The following GPC5 variants were observed in gnomAD, a reference collection of about 807,000 sequenced individuals.
GPC5 encodes glypican-5.
In GPC5, 47 loss-of-function variants were observed where a neutral mutation model predicts 53.9. The observed-to-expected ratio is 0.87, with a 90% CI of 0.69 to 1.11. The LOEUF (loss-of-function observed/expected upper bound fraction) is 1.11. GPC5 is among the 50% of genes most tolerant of loss of function. GPC5 has a pLI of 0.00. For synonymous variants in GPC5, 286 were observed against 263.3 expected, an observed-to-expected ratio of 1.09 and a Z score of -0.84; for missense variants, 748 against 713.1, an observed-to-expected ratio of 1.05 and a Z score of -0.56.
intron 7 of GPC5, among the ~76,000 whole-genome samples, chr13:92,590,634 C>A (rs925416591): frequency 1.3e-5 from 2 of 152,130 alleles, no homozygotes; most frequent in South Asian, 2.1e-4. Flanking sequence ...TATCTGGAAC[C>A]GAGGACTCCT....
At chr13:92,158,013 A>G (rs888371490) in intron 7 of GPC5, among the ~76,000 whole-genome samples, 1 of 152,234 alleles carries the variant, frequency 6.6e-6, no homozygotes, top group Non-Finnish European at 1.5e-5. Flanking sequence ...ATACATAAAT[A>G]GTAGAGAATG....
Position 92,648,129 on chromosome 13 carries a change from TCTTCA to T in GPC5, c.1562-218147_1562-218143del, listed in dbSNP as rs1349291540. 4.6e-5 allele frequency among the ~76,000 whole-genome samples: 7 copies of T among 152,206 alleles called. No homozygotes were observed. The East Asian group carries it at 7.7e-4, about 17-fold the overall frequency. Reference sequence around the variant, plus strand: ...TATATACATATGTGATTATATATAATCTTCACTTCATTATTTTTGGTAAGAACATA... The same window carrying T: ...TATATACATATGTGATTATATATAATCTTCATTATTTTTGGTAAGAACATA... On this transcript the variant is annotated intron_variant, in intron 7 of 7. Transcript: ENST00000377067.
At chr13:91,493,245 T>A (rs915026479) in intron 2 of GPC5, among the ~76,000 whole-genome samples, 2 of 152,208 alleles carry the variant, frequency 1.3e-5, no homozygotes, top group Admixed American at 1.3e-4. Flanking sequence ...ATATATTTGT[T>A]GGGTACATGA....
At chr13:92,263,749 A>C (rs927944855) in intron 7 of GPC5, among the ~76,000 whole-genome samples, 1 of 152,196 alleles carries the variant, frequency 6.6e-6, no homozygotes, top group African/African-American at 2.4e-5. Context: ...TTTGGCTTAA[A>C]GTCATCTGAA....
intron 7 of GPC5, among the ~76,000 whole-genome samples, chr13:92,706,551 A>AT (rs1325939879): frequency 2.0e-5 from 3 of 151,908 alleles, no homozygotes; most frequent in Non-Finnish European, 4.4e-5. Context: ...TCCAAATATG[A>AT]TTTTTCGTCT....
chr13:91,985,128 A>C (rs917167696), intron 6 of GPC5, among the ~76,000 whole-genome samples: 5 of 152,094 alleles, frequency 3.3e-5, no homozygotes, highest in Non-Finnish European at 7.4e-5. Flanking sequence ...TTATATTTTG[A>C]AGATGTATTA....
chr13:92,598,624 A>T (rs148322689), intron 7 of GPC5, among the ~76,000 whole-genome samples: 187 of 152,340 alleles, frequency 1.2e-3, no homozygotes, highest in African/African-American at 4.4e-3. Flanking sequence ...CTCATGTGGA[A>T]CGAGTTTAAA....
At chr13:92,860,992 A>G (rs192756021) in intron 7 of GPC5, among the ~76,000 whole-genome samples, 24 of 152,166 alleles carry the variant, frequency 1.6e-4, no homozygotes, top group Admixed American at 9.2e-4. Context: ...GAGAGTCTCT[A>G]CTCTCAAGGA....
At chr13:91,795,102 A>C (rs2038025972) in intron 5 of GPC5, among the ~76,000 whole-genome samples, 1 of 152,200 alleles carries the variant, frequency 6.6e-6, no homozygotes, top group Admixed American at 6.5e-5. Context: ...AATAAGAATA[A>C]ATTTATAATA....
chr13:92,795,451 T>A (rs1876638577), intron 7 of GPC5, among the ~76,000 whole-genome samples: 1 of 152,058 alleles, frequency 6.6e-6, no homozygotes, highest in South Asian at 2.1e-4. Flanking sequence ...ACCTAGGCAA[T>A]ACCATTCAGG....
At chr13:92,762,183 T>TA (rs764372073) in intron 7 of GPC5, among the ~76,000 whole-genome samples, 47 of 151,240 alleles carry the variant, frequency 3.1e-4, no homozygotes, top group African/African-American at 6.5e-4. Context: ...GTATGAAGGC[T>TA]AAAAAAAAAT....
At chr13:92,165,071 G>A (rs913519444) in intron 7 of GPC5, among the ~76,000 whole-genome samples, 3 of 150,828 alleles carry the variant, frequency 2.0e-5, no homozygotes, top group African/African-American at 4.8e-5. Flanking sequence ...GATCCTCTAG[G>A]CCTGTGATGG....
chr13:92,327,000 T>A (rs1184033314), intron 7 of GPC5, among the ~76,000 whole-genome samples: 1 of 152,110 alleles, frequency 6.6e-6, no homozygotes, highest in Non-Finnish European at 1.5e-5. Context: ...CCTGTCTCCC[T>A]ATCTGCCTGA....
At chr13:92,372,589 C>G (rs1175998236) in intron 7 of GPC5, among the ~76,000 whole-genome samples, 1 of 152,126 alleles carries the variant, frequency 6.6e-6, no homozygotes, top group African/African-American at 2.4e-5. Context: ...ATTCCACTTC[C>G]CTTTACTGAA....
intron 2 of GPC5, among the ~76,000 whole-genome samples, chr13:91,592,943 G>C (rs1164123351): frequency 6.6e-6 from 1 of 152,184 alleles, no homozygotes; most frequent in African/African-American, 2.4e-5. Flanking sequence ...TTCTCAGAGG[G>C]AGATGGGGAC....
At chr13:92,215,796 C>T (rs1425568511) in intron 7 of GPC5, among the ~76,000 whole-genome samples, 1 of 152,084 alleles carries the variant, frequency 6.6e-6, no homozygotes, top group Admixed American at 6.5e-5. Context: ...AGTGGCACCA[C>T]GTAAGAAGTC....
chr13:92,174,067 T>C (rs140423600), intron 7 of GPC5, among the ~76,000 whole-genome samples: 2 of 152,186 alleles, frequency 1.3e-5, no homozygotes, highest in Admixed American at 1.3e-4. Context: ...GTGAAACCAC[T>C]GCACTCTAGC....
chr13:92,201,011 GCA>G (rs201197074), intron 7 of GPC5, among the ~76,000 whole-genome samples: 40 of 145,148 alleles, frequency 2.8e-4, no homozygotes, highest in African/African-American at 7.1e-4. Flanking sequence ...ACACACACAC[GCA>G]CACACACGGG....
chr13:92,647,372 G>A (rs556896382), intron 7 of GPC5, among the ~76,000 whole-genome samples: 1 of 152,174 alleles, frequency 6.6e-6, no homozygotes, highest in East Asian at 1.9e-4. Context: ...CAGGTGCTTC[G>A]ATGTCAGTGC....
Sources: allele counts gnomAD v4.1 joint callset (sites outside exome capture counted in the v4.1 genomes callset), GRCh38; gene constraint gnomAD v4.1.1; transcripts MANE v1.5; gene names NCBI Gene and HGNC (gene_info 2026-07-23, HGNC 2026-07-21).